GADD45A: variants seen among roughly 807,000 people sequenced by gnomAD.
GADD45A encodes the protein growth arrest and DNA damage inducible alpha.
In GADD45A, 9 loss-of-function variants were observed where a neutral mutation model predicts 17.7. The ratio of observed to expected loss-of-function variants is 0.51; its 90% confidence interval spans 0.31 to 0.89. GADD45A has a LOEUF of 0.89. Ranked by LOEUF, GADD45A falls within the 40% of genes least tolerant of loss-of-function variation. The pLI is 0.05. For missense variants in GADD45A, 149 were observed against 220.6 expected (o/e 0.68, Z 2.06); for synonymous variants, 95 against 92.2 (o/e 1.03, Z -0.17).
Position 67,685,583 on chromosome 1 carries a change from A to G in GADD45A, c.44+45A>G, listed in dbSNP as rs893490402. 4 of 1,571,322 alleles carry G rather than the reference A, an allele frequency of 2.5e-6. No homozygotes were observed. In the African/African-American group the frequency reaches 5.4e-5, roughly 21 times the overall value. On this transcript the variant is annotated intron_variant, in intron 1 of 3. Coordinates refer to ENST00000370986, the MANE Select transcript of GADD45A (RefSeq NM_001924.4). ...CTTCCGGCCCGAACTTCTCTTACCT[A>G]CCCCGCGCTCCCCGGTGCAGCCGGG...
chr1:67,687,526 T>C, intron 3 of GADD45A, 135 bp from the exon 4 acceptor site: 1 of 623,164 alleles, frequency 1.6e-6, no homozygotes, highest in Non-Finnish European at 2.8e-6. Flanking sequence ...GAAACTTTAA[T>C]TTTTTTGTGC....
chr1:67,685,554 G>T lies in GADD45A; in HGVS notation c.44+16G>T. 6.3e-7 allele frequency: 1 copy of T among 1,599,866 alleles called. No homozygotes were observed. The highest frequency in any genetic ancestry group is 8.5e-7 in the Non-Finnish European group (1 of 1,172,246). ...AGACCGAAAGGTGAGTCGGCCTGCG[G>T]ACTCTTCCGGCCCGAACTTCTCTTA... is the stretch of plus-strand genomic sequence containing the variant. On this transcript the variant is annotated intron_variant, in intron 1 of 3. Coordinates refer to ENST00000370986, the MANE Select transcript of GADD45A (RefSeq NM_001924.4).
rs574065916 is a variant in GADD45A at position 67,686,434 on chromosome 1, G to T, written c.231G>T (p.Leu77=). Residue 77 remains leucine, a synonymous_variant, in exon 3 of 4, where the codon CTG becomes CTT. Coordinates refer to ENST00000370986, the MANE Select transcript of GADD45A (RefSeq NM_001924.4). ...TGGCTCTGCAGATCCACTTCACCCTGATCCAGGCGTTTTGCTGCGAGAACG... is the reference window on the plus strand; with the variant it reads ...TGGCTCTGCAGATCCACTTCACCCTTATCCAGGCGTTTTGCTGCGAGAACG... ...RDVALQIHFT[L]IQAFCCENDI... is the part of the protein sequence containing the mutation. 1.9e-4 allele frequency: 306 copies of T among 1,613,878 alleles called. 4 individuals are homozygous for T. In the South Asian group the frequency reaches 2.8e-3, roughly 15 times the overall value.
In GADD45A at chr1:67,685,466, C is replaced by G. The variant is rs1464838311; in HGVS notation, c.-29C>G. 6 of 1,599,256 alleles carry G rather than the reference C, an allele frequency of 3.8e-6. No homozygotes were observed. In the African/African-American group the frequency reaches 4.0e-5, roughly 11 times the overall value. On this transcript the variant is annotated 5_prime_UTR_variant, in exon 1 of 4. Coordinates refer to ENST00000370986, the MANE Select transcript of GADD45A (RefSeq NM_001924.4). The stretch of plus-strand genomic sequence containing the variant: ...GCAGGAGCAGCCCGCACGCCGCGCT[C>G]TCTCCCTGGGCGACCTGCAGTTTGC...
Position 67,686,586 on chromosome 1 carries a change from C to T in GADD45A, c.383C>T (p.Thr128Met), listed in dbSNP as rs780887467. The T allele has an allele frequency of 1.9e-6, 3 of 1,608,620 alleles. No individual in the cohort carries two copies. Among genetic ancestry groups the T allele is most frequent in the Non-Finnish European group, 2.5e-6 (3 of 1,177,076 alleles). ...QPPDLHCVLV[T>M]NPHSSQWKDP... The stretch of plus-strand genomic sequence containing the variant: ...CCGGACCTGCACTGCGTGCTGGTGA[C>T]GGTAAGGGACTGGGGGACTGCAGCC... Residue 128 changes from threonine (T) to methionine (M), a missense_variant and splice_region_variant, in exon 3 of 4, where the codon ACG becomes ATG. By Grantham distance (81) the Thr-to-Met change is moderately conservative (BLOSUM62 -1). Transcript: ENST00000370986.
Position 67,686,121 on chromosome 1 carries a change from C to T in GADD45A, c.141C>T (p.Leu47=). The T allele has an allele frequency of 1.2e-6, 2 of 1,609,716 alleles. No homozygotes were observed. Residue 47 remains leucine (L), a synonymous_variant, in exon 2 of 4, where the codon CTC becomes CTT. Transcript: ENST00000370986. ...TVGVYEAAKL[L]NVDPDNVVLC... ...GGGTGTACGAAGCGGCCAAGCTGCT[C>T]AACGTGTAAGTGGGGCCCTTGCGCG...
chr1:67,686,278 C>T (rs765408083), intron 2 of GADD45A, 72 bp from the exon 3 acceptor site: 169 of 1,440,412 alleles, frequency 1.2e-4, no homozygotes, highest in Non-Finnish European at 1.5e-4. Flanking sequence ...CGGGCGGCGA[C>T]CCCCAGGGAC....
At chr1:67,685,694 C>A in intron 1 of GADD45A, 156 bp downstream of exon 1, 1 of 736,460 alleles carries the variant, frequency 1.4e-6, no homozygotes, top group Admixed American at 2.5e-5. Context: ...CCGTGGAGCT[C>A]CCACGGACTG....
chr1:67,686,283 A>G lies in GADD45A; in HGVS notation c.147-67A>G, dbSNP rs1646132916. 1.8e-5 allele frequency: 27 copies of G among 1,472,678 alleles called. No homozygotes were observed. The South Asian group carries it at 2.4e-4, about 13-fold the overall frequency. The allele number at this position is 1,472,678 out of a possible 1,614,324, so 91.2% of individuals were successfully genotyped here. ...GCGAGCGGGCCGGGCGGCGACCCCC[A>G]GGGACCCGGGCAGTGGTTGAGGGCG... On this transcript the variant is annotated intron_variant, in intron 2 of 3. Coordinates refer to ENST00000370986, the MANE Select transcript of GADD45A (RefSeq NM_001924.4).
intron 3 of GADD45A, among the ~76,000 whole-genome samples, chr1:67,687,449 C>T (rs1295636249): frequency 1.3e-5 from 2 of 152,176 alleles, no homozygotes; most frequent in Non-Finnish European, 2.9e-5. Context: ...TGGGTTCAGA[C>T]TTTGCAATGT....
In GADD45A at chr1:67,687,632, T is replaced by C. The variant is rs547759859; in HGVS notation, c.385-29T>C. The C allele has an allele frequency of 4.5e-6, 6 of 1,333,992 alleles. No individual in the cohort carries two copies. The East Asian group carries it at 1.4e-4, about 31-fold the overall frequency. The allele number at this position is 1,333,992 out of a possible 1,614,324, so 82.6% of individuals were successfully genotyped here. A position where few individuals can be genotyped will look rare whatever the true frequency, so the allele number is the denominator to read the frequency against. On this transcript the variant is annotated intron_variant, in intron 3 of 3. Transcript: ENST00000370986. ...TACTAGAATATACTGGTTTTTAAAA[T>C]AAGTTTATTTTTATAAATTTGTTTC...
At chr1:67,685,609 C>A in intron 1 of GADD45A, 71 bp downstream of exon 1, 1 of 1,463,544 alleles carries the variant, frequency 6.8e-7, no homozygotes, top group Non-Finnish European at 9.4e-7. Context: ...TGCAGCCGGG[C>A]TGTGGAAGGC....
chr1:67,687,927 C>T lies in GADD45A; in HGVS notation c.*153C>T, dbSNP rs1345356338. ...AGTTCAACTACATGTTCTGGGGGCC[C>T]GGAGATAGATGACTTTGCAGATGGA... On this transcript the variant is annotated 3_prime_UTR_variant, in exon 4 of 4. Coordinates refer to ENST00000370986, the MANE Select transcript of GADD45A (RefSeq NM_001924.4). 1.4e-5 allele frequency: 7 copies of T among 502,810 alleles called. No homozygotes were observed. The highest frequency in any genetic ancestry group is 3.8e-5 in the African/African-American group (2 of 52,384). The allele number at this position is 502,810 out of a possible 1,614,324, so 31.1% of individuals were successfully genotyped here.
Position 67,685,503 on chromosome 1 carries a change from G to A in GADD45A, c.9G>A (p.Leu3=), listed in dbSNP as rs775144784. MT[L]EEFSAGEQKT... is the part of the protein sequence containing the mutation. ...GACCTGCAGTTTGCAATATGACTTT[G>A]GAGGAATTCTCGGCTGGAGAGCAGA... Residue 3 remains leucine, a synonymous_variant, in exon 1 of 4, where the codon TTG becomes TTA. Transcript: ENST00000370986. The A allele has an allele frequency of 6.2e-7, 1 of 1,610,746 alleles. No individual in the cohort carries two copies.
Position 67,686,122 on chromosome 1 carries a change from A to G in GADD45A, c.142A>G (p.Asn48Asp). 6.2e-7 allele frequency: 1 copy of G among 1,609,438 alleles called. No homozygotes were observed. Among genetic ancestry groups the G allele is most frequent in the Non-Finnish European group, 8.5e-7 (1 of 1,177,696 alleles). ...GGTGTACGAAGCGGCCAAGCTGCTCAACGTGTAAGTGGGGCCCTTGCGCGT... is the reference window on the plus strand; with the variant it reads ...GGTGTACGAAGCGGCCAAGCTGCTCGACGTGTAAGTGGGGCCCTTGCGCGT... ...VGVYEAAKLL[N>D]VDPDNVVLCL... The change falls in exon 2 of 4, where the codon AAC (asparagine) becomes GAC (aspartate). Residue 48 changes from asparagine to aspartate, a missense_variant. By Grantham distance (23) the Asn-to-Asp change is conservative (BLOSUM62 1). Transcript: ENST00000370986.
chr1:67,686,283 A>C lies in GADD45A; in HGVS notation c.147-67A>C. On this transcript the variant is annotated intron_variant, in intron 2 of 3. Coordinates refer to ENST00000370986, the MANE Select transcript of GADD45A (RefSeq NM_001924.4). Reference sequence around the variant, plus strand: ...GCGAGCGGGCCGGGCGGCGACCCCCAGGGACCCGGGCAGTGGTTGAGGGCG... The same window carrying C: ...GCGAGCGGGCCGGGCGGCGACCCCCCGGGACCCGGGCAGTGGTTGAGGGCG... The C allele has an allele frequency of 4.8e-6, 7 of 1,472,678 alleles. No individual in the cohort carries two copies. The South Asian group carries it at 8.4e-5, about 18-fold the overall frequency. The allele number at this position is 1,472,678 out of a possible 1,614,324, so 91.2% of individuals were successfully genotyped here.
In GADD45A at chr1:67,688,210, GAT is replaced by G. The variant is rs1358815628; in HGVS notation, c.*439_*440del. The G allele has an allele frequency of 6.5e-6, 1 of 153,776 alleles. No homozygotes were observed. The highest frequency in any genetic ancestry group is 2.4e-5 in the African/African-American group (1 of 41,456). 9.5% of individuals were successfully genotyped at this position (153,776 alleles called of 1,614,324 possible). ...ACCATATTTTATTGTATTTTGATGAGATATTAAATTCTCAAAGTTTTATTATA... is the reference window on the plus strand; with the variant it reads ...ACCATATTTTATTGTATTTTGATGAGATTAAATTCTCAAAGTTTTATTATA... On this transcript the variant is annotated 3_prime_UTR_variant, in exon 4 of 4. Transcript: ENST00000370986.
chr1:67,687,800 C>T lies in GADD45A; in HGVS notation c.*26C>T, dbSNP rs749100782. On this transcript the variant is annotated 3_prime_UTR_variant, in exon 4 of 4. Coordinates refer to ENST00000370986, the MANE Select transcript of GADD45A (RefSeq NM_001924.4). Reference sequence around the variant, plus strand: ...TGGCATCTGAATGAAAATAACTGAACCAAATTGCACTGAAGTTTTTGAAAT... The same window carrying T: ...TGGCATCTGAATGAAAATAACTGAATCAAATTGCACTGAAGTTTTTGAAAT... 2 of 1,409,634 alleles carry T rather than the reference C, an allele frequency of 1.4e-6. No individual in the cohort carries two copies. The highest frequency in any genetic ancestry group is 2.0e-6 in the Non-Finnish European group (2 of 994,826). 87.3% of individuals were successfully genotyped at this position (1,409,634 alleles called of 1,614,324 possible).
intron 3 of GADD45A, 112 bp downstream of exon 3, chr1:67,686,699 C>G (rs1345450573): frequency 1.3e-5 from 11 of 854,392 alleles, no homozygotes; most frequent in Non-Finnish European, 2.0e-5. Context: ...AGGGTGGCTG[C>G]CTTTGTCCGA....
Sources: gnomAD v4.1 joint callset for allele counts (sites outside exome capture counted in the v4.1 genomes callset) on GRCh38, gnomAD v4.1.1 for gene constraint, MANE v1.5 for transcripts, NCBI Gene and HGNC (gene_info 2026-07-23, HGNC 2026-07-21) for gene names.